The following PLPPR1 variants were observed in gnomAD, a reference collection of about 807,000 sequenced individuals.
PLPPR1 encodes the protein phospholipid phosphatase related 1, also known as phospholipid phosphatase-related protein type 1.
A neutral mutation model predicts 33.1 loss-of-function variants in PLPPR1; 10 were observed. That is an observed-to-expected ratio of 0.30 (90% CI 0.19 to 0.51). The LOEUF (loss-of-function observed/expected upper bound fraction) is 0.51. Among genes scored for constraint, PLPPR1 ranks in the 20% least tolerant of loss-of-function variants. The pLI, the probability that PLPPR1 is intolerant of heterozygous loss-of-function variation, is 0.97. For synonymous variants in PLPPR1, 151 were observed against 151.0 expected (o/e 1.00, Z 0.00); for missense variants, 304 against 408.1 (o/e 0.74, Z 2.20).
intron 2 of PLPPR1, among the ~76,000 whole-genome samples, chr9:101,223,874 C>T (rs1294827765): frequency 2.0e-5 from 3 of 152,078 alleles, no homozygotes; most frequent in Non-Finnish European, 2.9e-5. Context: ...TACATATATA[C>T]ATTATATGTG....
intron 2 of PLPPR1, among the ~76,000 whole-genome samples, chr9:101,246,055 A>AATATATATAT (rs58070017): frequency 7.0e-5 from 6 of 85,662 alleles, no homozygotes; most frequent in Admixed American, 1.3e-4. Context: ...ATTGAATATG[A>AATATATATAT]ATATATATAT....
intron 1 of PLPPR1, among the ~76,000 whole-genome samples, chr9:101,166,176 G>A (rs2118680911): frequency 6.6e-6 from 1 of 152,164 alleles, no homozygotes; most frequent in South Asian, 2.1e-4. Flanking sequence ...GGCCCTTTAT[G>A]TTTCAACCAT....
intron 1 of PLPPR1, among the ~76,000 whole-genome samples, chr9:101,127,244 G>C (rs185039876): frequency 1.4e-4 from 21 of 152,258 alleles, no homozygotes; most frequent in African/African-American, 4.1e-4. Context: ...CCTTCACCAG[G>C]GTCTTTGTCA....
chr9:101,315,344 A>G (rs114994443), intron 6 of PLPPR1, among the ~76,000 whole-genome samples: 116 of 152,268 alleles, frequency 7.6e-4, no homozygotes, highest in African/African-American at 2.6e-3. Context: ...ATGGTGTATA[A>G]ATAGACTTTG....
At chr9:101,286,474 G>T (rs1329622412) in intron 4 of PLPPR1, among the ~76,000 whole-genome samples, 1 of 152,080 alleles carries the variant, frequency 6.6e-6, no homozygotes, top group Non-Finnish European at 1.5e-5. Context: ...GATTCCCCTG[G>T]ACGTATGTTT....
intron 2 of PLPPR1, among the ~76,000 whole-genome samples, chr9:101,237,978 C>CATATATATATATAT (rs1464878741): frequency 4.0e-5 from 3 of 75,294 alleles, no homozygotes; most frequent in South Asian, 4.7e-4. Context: ...GGCTATATAG[C>CATATATATATATAT]CTATATATAT....
At chr9:101,290,754 A>T (rs1828482840) in intron 4 of PLPPR1, among the ~76,000 whole-genome samples, 1 of 152,224 alleles carries the variant, frequency 6.6e-6, no homozygotes, top group African/African-American at 2.4e-5. Flanking sequence ...AATATTCATG[A>T]TATGTGAAAA....
intron 3 of PLPPR1, among the ~76,000 whole-genome samples, chr9:101,275,821 C>T (rs373831003): frequency 5.9e-5 from 9 of 152,044 alleles, no homozygotes; most frequent in East Asian, 1.9e-4. Flanking sequence ...ACTTCCAGCC[C>T]GAGGATTGAA....
At chr9:101,123,647 G>A (rs555888948) in intron 1 of PLPPR1, among the ~76,000 whole-genome samples, 92 of 152,306 alleles carry the variant, frequency 6.0e-4, no homozygotes, top group Non-Finnish European at 1.1e-3. Context: ...CAAAGGGCAC[G>A]TTGCTTTAAG....
At chr9:101,138,613 A>G (rs1831407627) in intron 1 of PLPPR1, among the ~76,000 whole-genome samples, 1 of 152,200 alleles carries the variant, frequency 6.6e-6, no homozygotes, top group Admixed American at 6.5e-5. Context: ...ATTAAATTTG[A>G]ACCCCAGCCC....
chr9:101,235,386 G>T (rs528976430), intron 2 of PLPPR1, among the ~76,000 whole-genome samples: 27 of 151,886 alleles, frequency 1.8e-4, no homozygotes, highest in African/African-American at 6.3e-4. Flanking sequence ...AGTTCACCAT[G>T]ATGCAAATTC....
intron 2 of PLPPR1, among the ~76,000 whole-genome samples, chr9:101,233,360 G>A (rs1203048542): frequency 1.3e-5 from 2 of 151,942 alleles, no homozygotes. Context: ...AAAAGAGAAA[G>A]TTTGAATCAC....
chr9:101,184,537 T>C (rs1826172291), intron 1 of PLPPR1, among the ~76,000 whole-genome samples: 2 of 151,880 alleles, frequency 1.3e-5, no homozygotes, highest in Non-Finnish European at 2.9e-5. Context: ...ACAGAACAAA[T>C]GAAAAATAAT....
At chr9:101,147,293 C>G (rs1831532546) in intron 1 of PLPPR1, among the ~76,000 whole-genome samples, 1 of 151,932 alleles carries the variant, frequency 6.6e-6, no homozygotes, top group African/African-American at 2.4e-5. Flanking sequence ...TGAGAATTAC[C>G]CATTTTCTGT....
Position 101,071,687 on chromosome 9 carries a change from G to A in PLPPR1, c.-46+42585G>A, listed in dbSNP as rs140939876. Among the ~76,000 whole-genome samples the A allele has an allele frequency of 8.1e-3, 1,230 of 152,144 alleles. 6 individuals are homozygous for A. Among genetic ancestry groups the A allele is most frequent in the Non-Finnish European group, 0.013 (878 of 67,980 alleles). The stretch of plus-strand genomic sequence containing the variant: ...GGATTCAGGGGAATGCAGCTTTCTG[G>A]TAATGATAGCATTTACAGTGGAGCT... On this transcript the variant is annotated intron_variant, in intron 1 of 7. Transcript: ENST00000374874.
chr9:101,130,725 T>C (rs1032929010), intron 1 of PLPPR1, among the ~76,000 whole-genome samples: 1 of 152,204 alleles, frequency 6.6e-6, no homozygotes, highest in African/African-American at 2.4e-5. Flanking sequence ...CCATTCTCCA[T>C]CACTTGTGCT....
chr9:101,239,703 G>C (rs1827411094), intron 2 of PLPPR1, among the ~76,000 whole-genome samples: 1 of 151,850 alleles, frequency 6.6e-6, no homozygotes, highest in Non-Finnish European at 1.5e-5. Flanking sequence ...TTGGCCATTG[G>C]TATGGCTTTT....
chr9:101,298,070 G>C (rs1385674616), intron 4 of PLPPR1, among the ~76,000 whole-genome samples: 1 of 152,110 alleles, frequency 6.6e-6, no homozygotes, highest in African/African-American at 2.4e-5. Flanking sequence ...AATTTGATGA[G>C]GGTTTTTGGT....
At chr9:101,233,754 A>T (rs1033514584) in intron 2 of PLPPR1, among the ~76,000 whole-genome samples, 2 of 151,934 alleles carry the variant, frequency 1.3e-5, no homozygotes, top group Non-Finnish European at 2.9e-5. Context: ...AGTCTCAGGT[A>T]TTGTGATACA....
Sources: allele counts gnomAD v4.1 joint callset (sites outside exome capture counted in the v4.1 genomes callset), GRCh38; gene constraint gnomAD v4.1.1; transcripts MANE v1.5; gene names NCBI Gene and HGNC (gene_info 2026-07-23, HGNC 2026-07-21).